The following KLHL23 variants were observed in gnomAD, a reference collection of about 807,000 sequenced individuals.
KLHL23 encodes the protein kelch like family member 23.
Under a neutral mutation model 48.9 loss-of-function variants are expected in KLHL23, and 33 were observed. That is an observed-to-expected ratio of 0.67 (90% CI 0.51 to 0.90). The LOEUF is 0.90. Among genes scored for constraint, KLHL23 ranks in the 40% least tolerant of loss-of-function variants. KLHL23 has a pLI of 0.00. For missense variants in KLHL23, 608 were observed against 669.6 expected, an observed-to-expected ratio of 0.91 and a Z score of 1.02; for synonymous variants, 234 against 231.6, an observed-to-expected ratio of 1.01 and a Z score of -0.09.
In KLHL23 at chr2:169,735,945, G is replaced by T; in HGVS notation, c.931G>T (p.Glu311Ter). The T allele has an allele frequency of 6.2e-7, 1 of 1,614,152 alleles. No individual in the cohort carries two copies. The highest frequency in any genetic ancestry group is 8.5e-7 in the Non-Finnish European group (1 of 1,180,040). Residue 311 changes from glutamate to a stop codon, truncating the protein, a stop_gained, in exon 2 of 4, where the codon GAG (glutamate) becomes TAG (stop). Transcript: ENST00000392647. LOFTEE classifies it high-confidence loss of function. The surrounding 1 kb of genome is among the most constrained non-coding windows in gnomAD (Gnocchi z 4.5). ...QGAEIPDYTR[E>*]SYGVTCLGPN... is the part of the protein sequence containing the mutation. ...AGCAGAAATACCAGATTATACCAGG[G>T]AGAGCTATGGTGTTACATGTTTAGG...
chr2:169,741,514 T>C lies in KLHL23; in HGVS notation c.1343T>C (p.Leu448Pro), dbSNP rs776205689. The change falls in exon 3 of 4, where the codon CTC (leucine) becomes CCC (proline). Residue 448 changes from leucine to proline, a missense_variant. Around this residue, in one of 3 missense-constraint regions of KLHL23, gnomAD observed 179 missense variants for 169.9 expected, o/e 1.05. Transcript: ENST00000392647. Reference sequence around the variant, plus strand: ...AATTCCGATATCAACGAATGGAGCCTCATCACCTCCAGTCCACATCCAGGT... The same window carrying C: ...AATTCCGATATCAACGAATGGAGCCCCATCACCTCCAGTCCACATCCAGGT... Reference protein sequence around the residue: ...SYNSDINEWSLITSSPHPEYG... With the variant: ...SYNSDINEWSPITSSPHPEYG... 1.2e-6 allele frequency: 2 copies of C among 1,613,864 alleles called. No homozygotes were observed. Among genetic ancestry groups the C allele is most frequent in the South Asian group, 2.2e-5 (2 of 91,052 alleles).
At chr2:169,736,928 C>G (rs1023123505) in intron 2 of KLHL23, among the ~76,000 whole-genome samples, 2 of 152,150 alleles carry the variant, frequency 1.3e-5, no homozygotes, top group African/African-American at 4.8e-5. Flanking sequence ...CCAGGCTTTT[C>G]TGTTTCTTTT....
rs1688927693 is a variant in KLHL23 at position 169,750,060 on chromosome 2, G to GTGTATATATACGTGTGTATGTATACATA, written c.*329_*330insGTATATATACGTGTGTATGTATACATAT. The stretch of plus-strand genomic sequence containing the variant: ...GTATATATAGTATGTATGTATACAT[G>GTGTATATATACGTGTGTATGTATACATA]TATGTGTATATATACGTATGTATGT... On this transcript the variant is annotated 3_prime_UTR_variant, in exon 4 of 4. Transcript: ENST00000392647. 11 of 20,258 alleles carry GTGTATATATACGTGTGTATGTATACATA rather than the reference G, an allele frequency of 5.4e-4. 4 individuals are homozygous for GTGTATATATACGTGTGTATGTATACATA. Among genetic ancestry groups the GTGTATATATACGTGTGTATGTATACATA allele is most frequent in the African/African-American group, 1.7e-3 (11 of 6,570 alleles). The allele number at this position is 20,258 out of a possible 1,614,324, so 1.3% of individuals were successfully genotyped here.
intron 1 of KLHL23, among the ~76,000 whole-genome samples, chr2:169,734,499 C>G (rs1006203506): frequency 1.3e-5 from 2 of 152,082 alleles, no homozygotes; most frequent in South Asian, 2.1e-4. Context: ...GAGCTGCCTT[C>G]CTTTCTCTCC....
chr2:169,740,152 A>G (rs1179297327), intron 2 of KLHL23, among the ~76,000 whole-genome samples: 1 of 152,126 alleles, frequency 6.6e-6, no homozygotes, highest in African/African-American at 2.4e-5. Context: ...TTGCTCTGAC[A>G]CGTACGCTGG....
chr2:169,748,778 C>T (rs1168898329), intron 3 of KLHL23, among the ~76,000 whole-genome samples: 3 of 134,658 alleles, frequency 2.2e-5, no homozygotes, highest in Non-Finnish European at 5.1e-5. Flanking sequence ...ACCGCCCCCC[C>T]CCCCCCCCAT....
intron 3 of KLHL23, among the ~76,000 whole-genome samples, chr2:169,745,313 C>A (rs1245640704): frequency 6.6e-6 from 1 of 151,704 alleles, no homozygotes; most frequent in Non-Finnish European, 1.5e-5. Flanking sequence ...GAGATCGAGA[C>A]CATCCTGGCT....
At chr2:169,743,293 C>T (rs73971740) in intron 3 of KLHL23, among the ~76,000 whole-genome samples, 16,304 of 152,108 alleles carry the variant, frequency 0.11, 907 homozygotes, top group Middle Eastern at 0.18. Flanking sequence ...TTTCATATAG[C>T]TTATTAACTA....
At position 169,749,436 on chromosome 2, in the gene KLHL23, T is replaced by C; in HGVS notation, c.1381T>C (p.Ser461Pro). ...SSPHPEYGLC[S>P]VPFENKLYLV... ...CTTTTTAAAAGAATATGGATTGTGC[T>C]CAGTTCCGTTTGAAAATAAGCTCTA... Residue 461 changes from serine (S) to proline (P), a missense_variant, in exon 4 of 4, where the codon TCA (serine) becomes CCA (proline). Transcript: ENST00000392647. The C allele has an allele frequency of 1.2e-6, 2 of 1,611,204 alleles. No individual in the cohort carries two copies. Among genetic ancestry groups the C allele is most frequent in the Non-Finnish European group, 1.7e-6 (2 of 1,177,724 alleles).
At position 169,749,889 on chromosome 2, in the gene KLHL23, G is replaced by A; in HGVS notation, c.*157G>A. On this transcript the variant is annotated 3_prime_UTR_variant, in exon 4 of 4. Transcript: ENST00000392647. ...CTAACCCTACTGTACTCCCAAACAT[G>A]GTGATTCATGGTCAAGAAAAATCTT... is the stretch of plus-strand genomic sequence containing the variant. The A allele has an allele frequency of 1.7e-6, 1 of 601,886 alleles. No homozygotes were observed. Among genetic ancestry groups the A allele is most frequent in the Non-Finnish European group, 2.5e-6 (1 of 396,138 alleles). 37.3% of individuals were successfully genotyped at this position (601,886 alleles called of 1,614,324 possible).
intron 2 of KLHL23, among the ~76,000 whole-genome samples, chr2:169,737,874 C>T (rs191875050): frequency 9.3e-4 from 141 of 152,286 alleles, no homozygotes; most frequent in Non-Finnish European, 1.5e-3. Context: ...CTTGGCCTCC[C>T]AAAGTGCTGG....
chr2:169,742,773 A>G (rs1688706280), intron 3 of KLHL23, among the ~76,000 whole-genome samples: 1 of 152,190 alleles, frequency 6.6e-6, no homozygotes, highest in Non-Finnish European at 1.5e-5. Flanking sequence ...TAGTAGCCCA[A>G]ATGGACCATC....
intron 3 of KLHL23, among the ~76,000 whole-genome samples, chr2:169,747,238 C>T (rs1688811794): frequency 6.6e-6 from 1 of 151,768 alleles, no homozygotes; most frequent in African/African-American, 2.4e-5. Flanking sequence ...GTGGTGCGCA[C>T]CCGTAATCTC....
At chr2:169,747,810 C>T (rs1688830902) in intron 3 of KLHL23, among the ~76,000 whole-genome samples, 1 of 152,110 alleles carries the variant, frequency 6.6e-6, no homozygotes, top group African/African-American at 2.4e-5. Flanking sequence ...GGACACAGTT[C>T]CTGTGCTGCC....
chr2:169,740,766 T>TTTTATATATATATATATATATATA (rs1553477016), intron 2 of KLHL23, among the ~76,000 whole-genome samples: 67 of 125,444 alleles, frequency 5.3e-4, no homozygotes, highest in South Asian at 1.0e-3. Context: ...CTTTTTTATA[T>TTTTATATATATATATATATATATA]TATATATATA....
intron 1 of KLHL23, 86 bp from the exon 2 acceptor site, chr2:169,734,927 C>A: frequency 1.4e-6 from 2 of 1,470,644 alleles, no homozygotes; most frequent in Admixed American, 2.6e-5. Context: ...TGGAGTATAT[C>A]CGATGATAGT....
intron 2 of KLHL23, among the ~76,000 whole-genome samples, chr2:169,737,597 G>A (rs1353974940): frequency 6.6e-6 from 1 of 150,446 alleles, no homozygotes; most frequent in Non-Finnish European, 1.5e-5. Flanking sequence ...TTGTGGTTCA[G>A]AGTATATTTC....
chr2:169,749,922 T>G lies in KLHL23; in HGVS notation c.*190T>G, dbSNP rs2105660766. ...ATGGTCAAGAAAAATCTTATATATA[T>G]ATATATATACACACACACATATATG... is the stretch of plus-strand genomic sequence containing the variant. On this transcript the variant is annotated 3_prime_UTR_variant, in exon 4 of 4. Transcript: ENST00000392647. 8.0e-6 allele frequency: 2 copies of G among 249,602 alleles called. No individual in the cohort carries two copies. Among genetic ancestry groups the G allele is most frequent in the Non-Finnish European group, 7.1e-6 (1 of 141,086 alleles). 15.5% of individuals were successfully genotyped at this position (249,602 alleles called of 1,614,324 possible). A position where few individuals can be genotyped will look rare whatever the true frequency, so the allele number is the denominator to read the frequency against.
intron 3 of KLHL23, among the ~76,000 whole-genome samples, chr2:169,745,513 CAAA>C (rs1157957265): frequency 3.9e-4 from 25 of 63,638 alleles, no homozygotes; most frequent in African/African-American, 9.0e-4. Flanking sequence ...GACTCCGTCT[CAAA>C]AAAAAAAAAA....
Sources: gnomAD v4.1 joint callset for allele counts (sites outside exome capture counted in the v4.1 genomes callset) on GRCh38, gnomAD v4.1.1 for gene constraint, gnomAD v4.1.1 regional missense constraint, Gnocchi (gnomAD v3.1) non-coding constraint, MANE v1.5 for transcripts, NCBI Gene and HGNC (gene_info 2026-07-23, HGNC 2026-07-21) for gene names.